EXOC4: variants seen among roughly 807,000 people sequenced by gnomAD.
EXOC4 encodes exocyst complex component 4.
EXOC4 carries 71 observed loss-of-function variants against 107.2 expected under a neutral mutation model. The observed-to-expected ratio is 0.66, with a 90% confidence interval of 0.55 to 0.81. EXOC4 has a LOEUF of 0.81. Among genes scored for constraint, EXOC4 ranks in the 30% least tolerant of loss-of-function variants. The pLI is 0.00. For synonymous variants in EXOC4, 456 were observed against 441.2 expected, an observed-to-expected ratio of 1.03 and a Z score of -0.42; for missense variants, 1,108 against 1,189.6, an observed-to-expected ratio of 0.93 and a Z score of 1.01.
chr7:133,313,156 T>TTC (rs1368277150), intron 4 of EXOC4, among the ~76,000 whole-genome samples: 3 of 151,316 alleles, frequency 2.0e-5, no homozygotes, highest in Non-Finnish European at 4.4e-5. Context: ...TTTTTTTTTT[T>TTC]CCCTCTTGGC....
intron 9 of EXOC4, among the ~76,000 whole-genome samples, chr7:133,622,058 T>C (rs1403833169): frequency 6.6e-6 from 1 of 152,096 alleles, no homozygotes; most frequent in East Asian, 1.9e-4. Context: ...CACTGCAACC[T>C]TGCACTCCTG....
intron 9 of EXOC4, among the ~76,000 whole-genome samples, chr7:133,482,974 C>CA (rs149704357): frequency 0.029 from 4,381 of 152,310 alleles, 87 homozygotes; most frequent in Non-Finnish European, 0.044. Flanking sequence ...CAAATACACA[C>CA]ACATTCTGGG....
At chr7:133,771,023 C>T (rs1390532637) in intron 10 of EXOC4, among the ~76,000 whole-genome samples, 1 of 151,922 alleles carries the variant, frequency 6.6e-6, no homozygotes, top group African/African-American at 2.4e-5. Context: ...ATTTACTTCC[C>T]ATGATTGAGT....
rs1794601660 is a variant in EXOC4, at chr7:134,004,683, AAG to A, written c.2349-226_2349-225del. On this transcript the variant is annotated intron_variant, in intron 15 of 17. Transcript: ENST00000253861. The stretch of plus-strand genomic sequence containing the variant: ...ATAACTAAGATGGCTTTCTGGTTAA[AAG>A]AGGGGAGGGTGTTTACATTAAAATG... 1.3e-5 allele frequency among the ~76,000 whole-genome samples: 2 copies of A among 152,186 alleles called. 1 individual carries two copies. Among genetic ancestry groups the A allele is most frequent in the South Asian group, 4.1e-4 (2 of 4,834 alleles).
chr7:133,812,778 T>C (rs1352498766), intron 10 of EXOC4, among the ~76,000 whole-genome samples: 1 of 152,160 alleles, frequency 6.6e-6, no homozygotes, highest in Non-Finnish European at 1.5e-5. Flanking sequence ...CTTAGTGATT[T>C]CTAGTATCCA....
intron 10 of EXOC4, among the ~76,000 whole-genome samples, chr7:133,802,834 G>T (rs975702889): frequency 8.9e-6 from 1 of 112,138 alleles, no homozygotes; most frequent in African/African-American, 3.6e-5. Context: ...GGCGACGAGC[G>T]AAACTCTGTC....
At chr7:134,018,388 C>G (rs1445725174) in intron 17 of EXOC4, among the ~76,000 whole-genome samples, 1 of 152,200 alleles carries the variant, frequency 6.6e-6, no homozygotes, top group South Asian at 2.1e-4. Context: ...ACTTCCCATC[C>G]TGCCCCTCCC....
chr7:133,303,160 C>G (rs993051104), intron 3 of EXOC4, among the ~76,000 whole-genome samples: 1 of 152,118 alleles, frequency 6.6e-6, no homozygotes, highest in African/African-American at 2.4e-5. Flanking sequence ...TAGGGCTGGG[C>G]GCAGTGGCTC....
chr7:133,296,563 G>C (rs1794523398), intron 3 of EXOC4, among the ~76,000 whole-genome samples: 1 of 152,116 alleles, frequency 6.6e-6, no homozygotes, highest in African/African-American at 2.4e-5. Flanking sequence ...TTATAGAGTA[G>C]AAGTGCAGGG....
chr7:133,643,733 T>A (rs757489441), intron 10 of EXOC4, among the ~76,000 whole-genome samples: 4 of 152,162 alleles, frequency 2.6e-5, no homozygotes, highest in Non-Finnish European at 4.4e-5. Flanking sequence ...TTATGTCACA[T>A]GATGAAGGAA....
chr7:133,703,510 A>G (rs1003131146), intron 10 of EXOC4, among the ~76,000 whole-genome samples: 4 of 152,344 alleles, frequency 2.6e-5, no homozygotes. Flanking sequence ...CATCCCGGCC[A>G]GCTTCCTTTC....
At chr7:133,363,210 TA>T (rs1157417062) in intron 6 of EXOC4, among the ~76,000 whole-genome samples, 2 of 152,196 alleles carry the variant, frequency 1.3e-5, no homozygotes, top group Non-Finnish European at 2.9e-5. Flanking sequence ...CAGGGACATA[TA>T]GAAGAAATTC....
intron 17 of EXOC4, among the ~76,000 whole-genome samples, chr7:134,051,903 A>G (rs1219012417): frequency 1.4e-5 from 2 of 147,438 alleles, no homozygotes; most frequent in Admixed American, 6.7e-5. Context: ...GGAGAATGGC[A>G]TGAACCCGGG....
intron 9 of EXOC4, among the ~76,000 whole-genome samples, chr7:133,560,597 C>T (rs946607971): frequency 2.6e-5 from 4 of 151,940 alleles, no homozygotes; most frequent in Non-Finnish European, 4.4e-5. Flanking sequence ...ATTTTTTTTC[C>T]GGAATCATGG....
chr7:133,324,941 A>C (rs1795202700), intron 5 of EXOC4, among the ~76,000 whole-genome samples: 1 of 152,190 alleles, frequency 6.6e-6, no homozygotes, highest in South Asian at 2.1e-4. Flanking sequence ...TTCTTGTTGA[A>C]TTGATCCCTT....
At chr7:133,574,186 AGT>A (rs1419704999) in intron 9 of EXOC4, among the ~76,000 whole-genome samples, 5 of 152,064 alleles carry the variant, frequency 3.3e-5, no homozygotes, top group African/African-American at 7.2e-5. Flanking sequence ...TTGAAAAGAG[AGT>A]GTGTGTGTAT....
intron 10 of EXOC4, among the ~76,000 whole-genome samples, chr7:133,691,013 T>C (rs1794407945): frequency 6.6e-6 from 1 of 152,224 alleles, no homozygotes; most frequent in Non-Finnish European, 1.5e-5. Flanking sequence ...GCCCTGCTTT[T>C]AAGCAGATAA....
At chr7:133,604,627 T>C (rs1296284695) in intron 9 of EXOC4, among the ~76,000 whole-genome samples, 1 of 151,820 alleles carries the variant, frequency 6.6e-6, no homozygotes, top group African/African-American at 2.4e-5. Flanking sequence ...ACACACTTGG[T>C]ACTGCTCCTT....
the EXOC4 span, among the ~76,000 whole-genome samples, chr7:134,097,226 C>G: frequency 6.6e-6 from 1 of 151,972 alleles, no homozygotes; most frequent in Non-Finnish European, 1.5e-5. Flanking sequence ...GTAATATATT[C>G]TTTTTTTAAG....
Sources: gnomAD v4.1 joint callset for allele counts (sites outside exome capture counted in the v4.1 genomes callset) on GRCh38, gnomAD v4.1.1 for gene constraint, MANE v1.5 for transcripts, NCBI Gene and HGNC (gene_info 2026-07-23, HGNC 2026-07-21) for gene names.